The following XKR9 variants were observed in gnomAD, a reference collection of about 807,000 sequenced individuals.
The protein encoded by XKR9 is XK-related protein 9.
Under a neutral mutation model 32.0 loss-of-function variants are expected in XKR9, and 32 were observed. The ratio of observed to expected loss-of-function variants is 1.00; its 90% confidence interval spans 0.76 to 1.34. XKR9 has a LOEUF of 1.34. Ranked by LOEUF, XKR9 falls within the 40% of genes most tolerant of loss-of-function variation. The probability of loss-of-function intolerance (pLI) is 0.00; values close to 1 mark genes in which losing one functional copy is unlikely to be tolerated. For synonymous variants in XKR9, 168 were observed against 143.4 expected (o/e 1.17, Z -1.22); for missense variants, 546 against 429.7 (o/e 1.27, Z -2.39).
chr8:70,905,071 A>G, the XKR9 span, among the ~76,000 whole-genome samples: 2 of 152,014 alleles, frequency 1.3e-5, no homozygotes, highest in Non-Finnish European at 2.9e-5. Flanking sequence ...CTTCATTTCA[A>G]CTTTGGTGAA....
chr8:70,695,487 T>A (rs1197233249), intron 3 of XKR9, among the ~76,000 whole-genome samples: 1 of 151,776 alleles, frequency 6.6e-6, no homozygotes, highest in Non-Finnish European at 1.5e-5. Flanking sequence ...TTCATCCACA[T>A]CCCTACAAAG....
the XKR9 span, among the ~76,000 whole-genome samples, chr8:70,994,918 T>C: frequency 6.6e-6 from 1 of 152,138 alleles, no homozygotes; most frequent in African/African-American, 2.4e-5. Context: ...GGGCAGCAAA[T>C]AGTGGAAGGG....
the XKR9 span, among the ~76,000 whole-genome samples, chr8:71,023,220 G>A: frequency 2.0e-5 from 3 of 152,074 alleles, no homozygotes; most frequent in African/African-American, 4.8e-5. Context: ...TGCACATCTG[G>A]TATAATAGTT....
the XKR9 span, among the ~76,000 whole-genome samples, chr8:70,864,791 G>T: frequency 1.3e-5 from 2 of 152,088 alleles, no homozygotes; most frequent in African/African-American, 4.8e-5. Flanking sequence ...GGATAATTTG[G>T]ATTAACCTTA....
chr8:71,047,620 G>A, the XKR9 span, among the ~76,000 whole-genome samples: 1 of 152,108 alleles, frequency 6.6e-6, no homozygotes, highest in Non-Finnish European at 1.5e-5. Context: ...TCTGTGTTCT[G>A]TACATACTGA....
chr8:70,768,870 T>A (rs529048453), intron 2 of XKR9, among the ~76,000 whole-genome samples: 1 of 152,326 alleles, frequency 6.6e-6, no homozygotes, highest in South Asian at 2.1e-4. Flanking sequence ...CCGATGGGTC[T>A]TGACTCTATC....
chr8:70,869,848 A>T, the XKR9 span, among the ~76,000 whole-genome samples: 6 of 152,324 alleles, frequency 3.9e-5, no homozygotes, highest in South Asian at 2.1e-4. Flanking sequence ...CTTATTATAT[A>T]GTACCTTAGG....
chr8:70,776,486 T>C lies in XKR9; in HGVS notation n.353-12853T>C, dbSNP rs533876357. On this transcript the variant is annotated intron_variant and non_coding_transcript_variant, in intron 2 of 3. Coordinates refer to the XKR9 transcript ENST00000520273. ...CATGAGCTGTCTGGTTGGATTCTTATTTCTAATACAGATGCTATCAGGGTC... is the reference window on the plus strand; with the variant it reads ...CATGAGCTGTCTGGTTGGATTCTTACTTCTAATACAGATGCTATCAGGGTC... 1.8e-3 allele frequency among the ~76,000 whole-genome samples: 272 copies of C among 152,242 alleles called. 8 individuals are homozygous for C. The highest frequency in any genetic ancestry group is 6.2e-4 in the Non-Finnish European group (42 of 68,006).
chr8:70,814,510 C>T, the XKR9 span, among the ~76,000 whole-genome samples: 3 of 151,384 alleles, frequency 2.0e-5, no homozygotes, highest in Admixed American at 1.3e-4. Flanking sequence ...AAAACTACAT[C>T]ATCTCAATAG....
intron 2 of XKR9, among the ~76,000 whole-genome samples, chr8:70,746,036 A>G (rs1360912240): frequency 6.6e-6 from 1 of 152,164 alleles, no homozygotes; most frequent in Non-Finnish European, 1.5e-5. Flanking sequence ...TTGATATTAG[A>G]TCTAGTTTGT....
intron 2 of XKR9, among the ~76,000 whole-genome samples, chr8:70,768,795 C>T (rs1807413404): frequency 6.7e-6 from 1 of 149,128 alleles, no homozygotes; most frequent in Non-Finnish European, 1.5e-5. Flanking sequence ...AAATATTCTT[C>T]CATCCCTTTA....
the XKR9 span, among the ~76,000 whole-genome samples, chr8:70,813,214 T>C: frequency 6.6e-6 from 1 of 152,180 alleles, no homozygotes. Flanking sequence ...ATTTAATAAA[T>C]GGTGCTGGGA....
At chr8:70,909,491 A>G in the XKR9 span, among the ~76,000 whole-genome samples, 4 of 152,176 alleles carry the variant, frequency 2.6e-5, no homozygotes, top group Non-Finnish European at 5.9e-5. Flanking sequence ...TTTGTATAAC[A>G]TATATTACTT....
chr8:70,862,049 C>T, the XKR9 span, among the ~76,000 whole-genome samples: 17 of 152,126 alleles, frequency 1.1e-4, no homozygotes, highest in East Asian at 7.7e-4. Context: ...ACAAGTGAGA[C>T]GGAGTGGGAC....
At chr8:70,925,243 A>G in the XKR9 span, among the ~76,000 whole-genome samples, 1 of 152,346 alleles carries the variant, frequency 6.6e-6, no homozygotes, top group Non-Finnish European at 1.5e-5. Context: ...TCCAAAATAC[A>G]CACTATGACA....
At chr8:70,680,077 C>T (rs961418140) in intron 2 of XKR9, among the ~76,000 whole-genome samples, 2 of 151,666 alleles carry the variant, frequency 1.3e-5, no homozygotes, top group African/African-American at 4.8e-5. Context: ...TACTCTCAAC[C>T]GCCTTCCTCT....
chr8:71,054,832 G>A, the XKR9 span, among the ~76,000 whole-genome samples: 8 of 152,090 alleles, frequency 5.3e-5, no homozygotes, highest in African/African-American at 1.9e-4. Flanking sequence ...CTCTGCGCAG[G>A]TGTTGCTAAA....
the XKR9 span, among the ~76,000 whole-genome samples, chr8:71,011,856 T>C: frequency 0.42 from 63,970 of 151,996 alleles, 14,701 homozygotes; most frequent in Non-Finnish European, 0.53. Context: ...TAAAAGTCTT[T>C]TACACATTTC....
chr8:71,001,424 G>T, the XKR9 span, among the ~76,000 whole-genome samples: 1 of 152,084 alleles, frequency 6.6e-6, no homozygotes, highest in Non-Finnish European at 1.5e-5. Context: ...ACCACACGTG[G>T]TTAATTTTTT....
Sources: allele counts gnomAD v4.1 joint callset (sites outside exome capture counted in the v4.1 genomes callset), GRCh38; gene constraint gnomAD v4.1.1; transcripts MANE v1.5; gene names NCBI Gene and HGNC (gene_info 2026-07-23, HGNC 2026-07-21).